ARMC2: variants seen among roughly 807,000 people sequenced by gnomAD.
ARMC2 encodes the protein armadillo repeat-containing protein 2.
A neutral mutation model predicts 90.3 loss-of-function variants in ARMC2; 67 were observed. The ratio of observed to expected loss-of-function variants is 0.74; its 90% CI spans 0.61 to 0.91. The LOEUF (loss-of-function observed/expected upper bound fraction) is 0.91, where lower values mean the gene tolerates loss of function less well. Ranked by LOEUF, ARMC2 falls within the 40% of genes least tolerant of loss-of-function variation. The probability of loss-of-function intolerance (pLI) is 0.00; values close to 1 mark genes in which losing one functional copy is unlikely to be tolerated. For synonymous variants in ARMC2, 393 were observed against 393.0 expected (o/e 1.00, Z 0.00); for missense variants, 920 against 1,030.9 (o/e 0.89, Z 1.47).
intron 12 of ARMC2, among the ~76,000 whole-genome samples, chr6:108,944,961 C>T (rs538337550): frequency 1.3e-5 from 2 of 152,244 alleles, no homozygotes; most frequent in South Asian, 4.1e-4. Context: ...ACTAGTAACT[C>T]CAGTTCCCAC....
intron 8 of ARMC2, among the ~76,000 whole-genome samples, chr6:108,909,859 G>A (rs2128470319): frequency 6.6e-6 from 1 of 152,186 alleles, no homozygotes; most frequent in South Asian, 2.1e-4. Context: ...AACTTTAGAT[G>A]TTACTTGTGA....
the ARMC2 span, among the ~76,000 whole-genome samples, chr6:109,002,561 A>G: frequency 6.6e-6 from 1 of 152,232 alleles, no homozygotes; most frequent in African/African-American, 2.4e-5. Context: ...AACCTGTTTC[A>G]CTAAAACCAG....
At chr6:108,935,203 C>G (rs1775862265) in intron 11 of ARMC2, among the ~76,000 whole-genome samples, 1 of 152,090 alleles carries the variant, frequency 6.6e-6, no homozygotes, top group Non-Finnish European at 1.5e-5. Flanking sequence ...CAAAATCTTT[C>G]CTATTTTATT....
At position 108,953,348 on chromosome 6, in the gene ARMC2, C is replaced by T. The variant is rs770002812; in HGVS notation, c.1912C>T (p.Leu638=). Residue 638 remains leucine (L), a synonymous_variant, in exon 13 of 18, where the codon CTG becomes TTG. Transcript: ENST00000392644. ...GATAGTGGGCCTGCTCCTGACCACGCTGGGTGAGAACCGCAGCCCACTGGC... is the reference window on the plus strand; with the variant it reads ...GATAGTGGGCCTGCTCCTGACCACGTTGGGTGAGAACCGCAGCCCACTGGC... ...PGIVGLLLTT[L]EYKSLDDCEE... is the part of the protein sequence containing the mutation. 3.6e-5 allele frequency: 58 copies of T among 1,598,720 alleles called. No homozygotes were observed. The Middle Eastern group carries it at 6.7e-4, about 19-fold the overall frequency.
At chr6:108,997,611 A>T in the ARMC2 span, among the ~76,000 whole-genome samples, 1 of 152,172 alleles carries the variant, frequency 6.6e-6, no homozygotes, top group Non-Finnish European at 1.5e-5. Context: ...ACCTCACAAT[A>T]ACTTTGTGTT....
chr6:109,012,293 A>G, the ARMC2 span, among the ~76,000 whole-genome samples: 1 of 146,360 alleles, frequency 6.8e-6, no homozygotes, highest in East Asian at 2.0e-4. Flanking sequence ...CCCAGGCTGG[A>G]GTGCAGTGGT....
Position 108,876,242 on chromosome 6 carries a change from T to TA in ARMC2, c.566dup (p.Ser190GlufsTer8). The TA allele has an allele frequency of 2.5e-6, 4 of 1,613,296 alleles. No homozygotes were observed. Among genetic ancestry groups the TA allele is most frequent in the Non-Finnish European group, 3.4e-6 (4 of 1,179,602 alleles). On this transcript the variant is annotated frameshift_variant, in exon 5 of 18. Transcript: ENST00000392644. LOFTEE classifies it high-confidence loss of function. ...ACAAAATCAAATGCTATTTGCCACT[T>TA]AAAGAGTCACCCACTTCAGCTAACT...
chr6:108,925,169 T>C (rs747513483), intron 10 of ARMC2, among the ~76,000 whole-genome samples: 10 of 152,224 alleles, frequency 6.6e-5, no homozygotes, highest in Non-Finnish European at 1.0e-4. Context: ...GTCTTAAACA[T>C]AGACAAGTTA....
At position 108,956,970 on chromosome 6, in the gene ARMC2, C is replaced by T. The variant is rs149815611; in HGVS notation, c.1915+3619C>T. On this transcript the variant is annotated intron_variant, in intron 13 of 17. Coordinates refer to ENST00000392644, the MANE Select transcript of ARMC2 (RefSeq NM_032131.6). Reference sequence around the variant, plus strand: ...TCGTACTGTTGCACTCCAGCATGGGCGACAGAGTGAGACTCTCTCTCTAAA... The same window carrying T: ...TCGTACTGTTGCACTCCAGCATGGGTGACAGAGTGAGACTCTCTCTCTAAA... 5.2e-4 allele frequency among the ~76,000 whole-genome samples: 79 copies of T among 152,284 alleles called. 1 individual carries two copies. Among genetic ancestry groups the T allele is most frequent in the Middle Eastern group, 3.4e-3 (1 of 294 alleles).
intron 15 of ARMC2, among the ~76,000 whole-genome samples, chr6:108,963,221 T>TG (rs1358611292): frequency 3.3e-5 from 5 of 152,368 alleles, no homozygotes; most frequent in South Asian, 4.1e-4. Context: ...TCAAATATTT[T>TG]TGTATGTCTC....
chr6:108,892,689 G>A lies in ARMC2; in HGVS notation c.672-1778G>A, dbSNP rs143183335. 8.6e-5 allele frequency among the ~76,000 whole-genome samples: 13 copies of A among 151,784 alleles called. No individual in the cohort carries two copies. The East Asian group carries it at 2.5e-3, about 29-fold the overall frequency. ...CAGGAGAATCCCTTGGACCTGGGAG[G>A]CGGAAGTTGGGGTGAGCCGAGATCA... On this transcript the variant is annotated intron_variant, in intron 5 of 17. Transcript: ENST00000392644.
At position 108,966,909 on chromosome 6, in the gene ARMC2, G is replaced by A. The variant is rs142041843; in HGVS notation, c.2446+1769G>A. On this transcript the variant is annotated intron_variant, in intron 17 of 17. Coordinates refer to ENST00000392644, the MANE Select transcript of ARMC2 (RefSeq NM_032131.6). ...GCTAAGATTGAGAGCCCCTGCTCTC[G>A]TTAGCAAAGGAGCTTAAGGGAAGAG... 7.8e-3 allele frequency among the ~76,000 whole-genome samples: 1,185 copies of A among 152,310 alleles called. 23 individuals carry two copies. The highest frequency in any genetic ancestry group is 0.027 in the African/African-American group (1,131 of 41,564).
At chr6:109,022,529 TCTC>T in the ARMC2 span, among the ~76,000 whole-genome samples, 1 of 148,624 alleles carries the variant, frequency 6.7e-6, no homozygotes, top group South Asian at 2.2e-4. Context: ...TTCATGCCAT[TCTC>T]CTGCCTCAGC....
chr6:108,919,262 T>C (rs2754817), intron 10 of ARMC2, among the ~76,000 whole-genome samples: 111,101 of 152,150 alleles, frequency 0.73, 41,090 homozygotes, highest in Middle Eastern at 0.81. Flanking sequence ...AGTTTTTAAA[T>C]GTAGAGATTA....
chr6:108,848,897 G>A (rs1773716468), intron 1 of ARMC2: 1 of 152,262 alleles, frequency 6.6e-6, no homozygotes, highest in African/African-American at 2.4e-5. Flanking sequence ...GGGGTAGAGA[G>A]ACGATGAGTG....
intron 13 of ARMC2, among the ~76,000 whole-genome samples, chr6:108,960,491 G>T (rs1777914872): frequency 6.6e-6 from 1 of 152,218 alleles, no homozygotes; most frequent in Non-Finnish European, 1.5e-5. Context: ...CACTCACTAT[G>T]TGCCAGGCAC....
At chr6:108,965,703 G>C (rs1388193878) in intron 17 of ARMC2, among the ~76,000 whole-genome samples, 1 of 151,976 alleles carries the variant, frequency 6.6e-6, no homozygotes, top group Admixed American at 6.6e-5. Flanking sequence ...GGAATACAGT[G>C]GTGCGATCAC....
chr6:109,005,115 T>G, the ARMC2 span, among the ~76,000 whole-genome samples: 3 of 152,180 alleles, frequency 2.0e-5, no homozygotes, highest in African/African-American at 7.2e-5. Context: ...ATGCCATACG[T>G]AAAAGGATAA....
the ARMC2 span, among the ~76,000 whole-genome samples, chr6:109,030,177 C>A: frequency 6.6e-6 from 1 of 152,166 alleles, no homozygotes; most frequent in Admixed American, 6.5e-5. Flanking sequence ...TAGCTCTGAA[C>A]CCTCAGAATC....
Sources: allele counts gnomAD v4.1 joint callset (sites outside exome capture counted in the v4.1 genomes callset), GRCh38; gene constraint gnomAD v4.1.1; transcripts MANE v1.5; gene names NCBI Gene and HGNC (gene_info 2026-07-23, HGNC 2026-07-21).